The following MACROD2 variants were observed in gnomAD, a reference collection of about 807,000 sequenced individuals.
MACROD2 encodes the protein ADP-ribose glycohydrolase MACROD2.
MACROD2 carries 36 observed loss-of-function variants against 70.4 expected under a neutral mutation model. That is an observed-to-expected ratio of 0.51 (90% CI 0.39 to 0.68). The LOEUF (loss-of-function observed/expected upper bound fraction) is 0.68. Ranked by LOEUF, MACROD2 falls within the 30% of genes least tolerant of loss-of-function variation. The pLI is 0.00. For synonymous variants in MACROD2, 172 were observed against 178.8 expected, an observed-to-expected ratio of 0.96 and a Z score of 0.30; for missense variants, 496 against 538.4, an observed-to-expected ratio of 0.92 and a Z score of 0.78.
intron 7 of MACROD2, among the ~76,000 whole-genome samples, chr20:15,491,207 T>A (rs141650166): frequency 1.3e-5 from 2 of 152,302 alleles, no homozygotes; most frequent in East Asian, 3.9e-4. Context: ...ATGACCTTTA[T>A]ACTCCCCGAA....
chr20:14,271,719 C>T (rs189690022), intron 3 of MACROD2, among the ~76,000 whole-genome samples: 2 of 152,124 alleles, frequency 1.3e-5, no homozygotes, highest in Non-Finnish European at 2.9e-5. Flanking sequence ...AAATTCAAAC[C>T]AAAGGCAAAG....
intron 8 of MACROD2, among the ~76,000 whole-genome samples, chr20:15,597,453 C>T (rs1051376984): frequency 2.0e-5 from 3 of 152,186 alleles, no homozygotes; most frequent in African/African-American, 7.2e-5. Flanking sequence ...GTAGGACTAT[C>T]TTGGATTCTG....
At position 14,228,367 on chromosome 20, in the gene MACROD2, T is replaced by A. The variant is rs182447163; in HGVS notation, c.271+142639T>A. 8.6e-3 allele frequency among the ~76,000 whole-genome samples: 1,295 copies of A among 150,494 alleles called. 5 individuals are homozygous for A. The highest frequency in any genetic ancestry group is 0.014 in the South Asian group (68 of 4,730). The stretch of plus-strand genomic sequence containing the variant: ...TTTTTTTTTTTTTTGAGATGGAGTC[T>A]CTCTCTGTCACCCAGGCTGGAGTGC... On this transcript the variant is annotated intron_variant, in intron 3 of 17. Transcript: ENST00000684519.
chr20:15,958,867 G>C (rs974526236), intron 12 of MACROD2, among the ~76,000 whole-genome samples: 2 of 152,196 alleles, frequency 1.3e-5, no homozygotes, highest in African/African-American at 4.8e-5. Context: ...AACGTGACCA[G>C]AAGGCGGCCA....
At chr20:14,705,133 C>T (rs770776952) in intron 5 of MACROD2, among the ~76,000 whole-genome samples, 12 of 151,990 alleles carry the variant, frequency 7.9e-5, no homozygotes, top group Non-Finnish European at 1.6e-4. Context: ...AAAAAAAAAT[C>T]CCACATGCCA....
chr20:16,045,900 C>T (rs2067373148), intron 17 of MACROD2, among the ~76,000 whole-genome samples: 1 of 152,064 alleles, frequency 6.6e-6, no homozygotes, highest in African/African-American at 2.4e-5. Flanking sequence ...AATCCTCTTC[C>T]ATACCCTGAG....
intron 6 of MACROD2, among the ~76,000 whole-genome samples, chr20:15,340,869 TG>T (rs2078103963): frequency 6.6e-6 from 1 of 152,118 alleles, no homozygotes; most frequent in Non-Finnish European, 1.5e-5. Context: ...GTAAATTTTT[TG>T]TAAAGATAGG....
At chr20:14,813,414 A>G (rs1432695804) in intron 5 of MACROD2, among the ~76,000 whole-genome samples, 6 of 142,176 alleles carry the variant, frequency 4.2e-5, no homozygotes, top group Admixed American at 3.0e-4. Context: ...ATGTGTTCTC[A>G]TTGTTCAGCT....
intron 3 of MACROD2, among the ~76,000 whole-genome samples, chr20:14,100,243 C>G (rs2054280126): frequency 6.6e-6 from 1 of 151,820 alleles, no homozygotes; most frequent in Non-Finnish European, 1.5e-5. Context: ...AAAAATGTCT[C>G]AGAAAGTCTA....
intron 6 of MACROD2, among the ~76,000 whole-genome samples, chr20:15,236,311 C>T (rs1040976407): frequency 1.3e-5 from 2 of 152,044 alleles, no homozygotes; most frequent in Admixed American, 1.3e-4. Flanking sequence ...AGGAGGAGGG[C>T]GGGCATGGAA....
chr20:14,078,332 AGGATCC>A (rs1476258478), intron 2 of MACROD2, among the ~76,000 whole-genome samples: 1 of 152,200 alleles, frequency 6.6e-6, no homozygotes, highest in African/African-American at 2.4e-5. Flanking sequence ...ATAGTTATCG[AGGATCC>A]TGTTTAATCA....
intron 5 of MACROD2, among the ~76,000 whole-genome samples, chr20:15,132,010 G>C (rs1004467323): frequency 6.6e-6 from 1 of 151,824 alleles, no homozygotes; most frequent in African/African-American, 2.4e-5. Flanking sequence ...GTTACTCATT[G>C]AATTAAAAGT....
At position 15,937,460 on chromosome 20, in the gene MACROD2, C is replaced by G; in HGVS notation, c.839-16C>G. Reference sequence around the variant, plus strand: ...AAGGATGAACTCTGAGGCAGTGTTTCTTTTCTGCTTTATAGATGGTGTCAA... The same window carrying G: ...AAGGATGAACTCTGAGGCAGTGTTTGTTTTCTGCTTTATAGATGGTGTCAA... On this transcript the variant is annotated splice_polypyrimidine_tract_variant and intron_variant, in intron 11 of 17. Transcript: ENST00000684519. The G allele has an allele frequency of 6.2e-7, 1 of 1,612,870 alleles. No homozygotes were observed. Among genetic ancestry groups the G allele is most frequent in the Non-Finnish European group, 8.5e-7 (1 of 1,179,206 alleles).
intron 15 of MACROD2, among the ~76,000 whole-genome samples, chr20:16,011,363 TC>T (rs1384166179): frequency 3.9e-5 from 6 of 152,206 alleles, no homozygotes; most frequent in Non-Finnish European, 5.9e-5. Flanking sequence ...GAAAGTGGCT[TC>T]TGCCTGACAT....
At chr20:14,953,986 T>C (rs957231791) in intron 5 of MACROD2, among the ~76,000 whole-genome samples, 3 of 152,162 alleles carry the variant, frequency 2.0e-5, no homozygotes, top group African/African-American at 7.2e-5. Flanking sequence ...CTTCTTCAGT[T>C]TGATTGTTAA....
chr20:14,548,991 G>A (rs1312957491), intron 4 of MACROD2, among the ~76,000 whole-genome samples: 2 of 152,148 alleles, frequency 1.3e-5, no homozygotes, highest in Non-Finnish European at 2.9e-5. Flanking sequence ...AGAAGTTATG[G>A]TGCTCCATGA....
intron 4 of MACROD2, among the ~76,000 whole-genome samples, chr20:14,644,025 T>C (rs1268202962): frequency 6.6e-6 from 1 of 152,208 alleles, no homozygotes; most frequent in Non-Finnish European, 1.5e-5. Context: ...GTATATAAAG[T>C]ACTTAGCTTG....
At chr20:15,560,293 G>T (rs369217504) in intron 8 of MACROD2, among the ~76,000 whole-genome samples, 1 of 152,078 alleles carries the variant, frequency 6.6e-6, no homozygotes, top group Non-Finnish European at 1.5e-5. Flanking sequence ...CTTAATCTCT[G>T]TACTACTCAG....
rs898318288 is a variant in MACROD2 at position 14,916,437 on chromosome 20, A to G, written c.418+231478A>G. Among the ~76,000 whole-genome samples, 4 of 152,286 alleles carry G rather than the reference A, an allele frequency of 2.6e-5. No individual in the cohort carries two copies. In the East Asian group the frequency reaches 7.7e-4, roughly 29 times the overall value. On this transcript the variant is annotated intron_variant, in intron 5 of 17. Coordinates refer to ENST00000684519, the MANE Select transcript of MACROD2 (RefSeq NM_001351661.2). ...AAAAATCCAGGCTCTGCCAGTTACT[A>G]TCAGTGGGACCTCAGCTAGTTACTT...
Sources: allele counts gnomAD v4.1 joint callset (sites outside exome capture counted in the v4.1 genomes callset), GRCh38; gene constraint gnomAD v4.1.1; transcripts MANE v1.5; gene names NCBI Gene and HGNC (gene_info 2026-07-23, HGNC 2026-07-21).